The following ADAMTS16 variants were observed in gnomAD, a reference collection of about 807,000 sequenced individuals.
ADAMTS16 encodes ADAM metallopeptidase with thrombospondin type 1 motif 16, also known as A disintegrin and metalloproteinase with thrombospondin motifs 16.
In ADAMTS16, 94 loss-of-function variants were observed where a neutral mutation model predicts 145.8. The observed-to-expected ratio is 0.64, with a 90% confidence interval of 0.55 to 0.77. ADAMTS16 has a LOEUF of 0.77. Ranked by LOEUF, ADAMTS16 falls within the 30% of genes least tolerant of loss-of-function variation. The pLI, the probability that ADAMTS16 is intolerant of heterozygous loss-of-function variation, is 0.00. For synonymous variants in ADAMTS16, 659 were observed against 604.3 expected (o/e 1.09, Z -1.33); for missense variants, 1,585 against 1,591.5 (o/e 1.00, Z 0.07).
intron 18 of ADAMTS16, among the ~76,000 whole-genome samples, chr5:5,287,052 A>G (rs1186611498): frequency 6.6e-6 from 1 of 152,178 alleles, no homozygotes; most frequent in Non-Finnish European, 1.5e-5. Context: ...AACAGGAGCC[A>G]GGAGGTTACA....
rs1553990229 is a variant in ADAMTS16, at chr5:5,200,119, C to CTT, written c.1314-12_1314-11insTT. 1 of 1,594,582 alleles carries CTT rather than the reference C, an allele frequency of 6.3e-7. No individual in the cohort carries two copies. The highest frequency in any genetic ancestry group is 2.3e-5 in the East Asian group (1 of 44,160). On this transcript the variant is annotated splice_polypyrimidine_tract_variant and intron_variant, in intron 8 of 22. Transcript: ENST00000274181. ...TTCTGAAAGAACCATCTCTCTCTCT[C>CTT]TCTCTCTCATAGCTTTGGCATGATT...
chr5:5,171,700 A>G (rs1735045738), intron 3 of ADAMTS16, among the ~76,000 whole-genome samples: 1 of 152,152 alleles, frequency 6.6e-6, no homozygotes, highest in Non-Finnish European at 1.5e-5. Flanking sequence ...TTTTGCATCA[A>G]TGTTCATCAG....
chr5:5,308,587 CAG>C (rs1190194895), intron 21 of ADAMTS16, among the ~76,000 whole-genome samples: 1 of 152,186 alleles, frequency 6.6e-6, no homozygotes, highest in African/African-American at 2.4e-5. Flanking sequence ...GAAGTATGGA[CAG>C]AAAACAGACA....
At chr5:5,275,191 C>T (rs141100120) in intron 18 of ADAMTS16, among the ~76,000 whole-genome samples, 34 of 152,268 alleles carry the variant, frequency 2.2e-4, no homozygotes, top group African/African-American at 7.5e-4. Flanking sequence ...GGCACCATTG[C>T]TCTATTCTCT....
At chr5:5,295,648 C>G (rs2126497553) in intron 18 of ADAMTS16, among the ~76,000 whole-genome samples, 1 of 152,312 alleles carries the variant, frequency 6.6e-6, no homozygotes, top group East Asian at 1.9e-4. Flanking sequence ...AGAAGAGTTT[C>G]TAACAAGGCT....
intron 7 of ADAMTS16, among the ~76,000 whole-genome samples, chr5:5,191,105 G>A (rs373860443): frequency 5.0e-4 from 76 of 152,298 alleles, no homozygotes; most frequent in Non-Finnish European, 5.7e-4. Flanking sequence ...GTGTGACTCT[G>A]CAGGGCAAGG....
chr5:5,258,851 A>C (rs566488330), intron 17 of ADAMTS16, among the ~76,000 whole-genome samples: 5 of 150,614 alleles, frequency 3.3e-5, no homozygotes, highest in East Asian at 3.9e-4. Flanking sequence ...TATATATATA[A>C]TTTTTTTTAG....
Position 5,237,111 on chromosome 5 carries a change from C to A in ADAMTS16, c.2154+12C>A, listed in dbSNP as rs921498324. The A allele has an allele frequency of 1.3e-5, 21 of 1,611,620 alleles. No homozygotes were observed. Among genetic ancestry groups the A allele is most frequent in the Non-Finnish European group, 1.8e-5 (21 of 1,179,030 alleles). On this transcript the variant is annotated intron_variant, in intron 14 of 22. Transcript: ENST00000274181. The stretch of plus-strand genomic sequence containing the variant: ...ATGGGATATGTGAGGTAATCATGAT[C>A]CTTCATTCATTCAACAAATGATTCC...
intron 17 of ADAMTS16, 102 bp from the exon 18 acceptor site, chr5:5,262,555 A>G: frequency 2.0e-6 from 3 of 1,488,572 alleles, no homozygotes; most frequent in South Asian, 2.8e-5. Flanking sequence ...ACATGCCAGT[A>G]TGGCTAAGAT....
At chr5:5,268,498 C>A (rs190120297) in intron 18 of ADAMTS16, among the ~76,000 whole-genome samples, 2 of 152,190 alleles carry the variant, frequency 1.3e-5, no homozygotes, top group East Asian at 3.9e-4. Context: ...ATCCTTCCAA[C>A]GCACCTACCT....
intron 18 of ADAMTS16, among the ~76,000 whole-genome samples, chr5:5,268,353 G>A (rs934659103): frequency 6.6e-6 from 1 of 152,214 alleles, no homozygotes; most frequent in African/African-American, 2.4e-5. Flanking sequence ...CAAGATAGGA[G>A]CATTTGCGGT....
chr5:5,215,870 G>GTGTGTATATA (rs1260354840), intron 10 of ADAMTS16, among the ~76,000 whole-genome samples: 4 of 101,622 alleles, frequency 3.9e-5, no homozygotes, highest in African/African-American at 1.5e-4. Context: ...GTGTGTATGT[G>GTGTGTATATA]TATATATATA....
At chr5:5,273,491 G>A (rs1037352665) in intron 18 of ADAMTS16, among the ~76,000 whole-genome samples, 1 of 152,220 alleles carries the variant, frequency 6.6e-6, no homozygotes, top group African/African-American at 2.4e-5. Context: ...ACTCCAGCCT[G>A]GGCCACAGAG....
In ADAMTS16 at chr5:5,268,763, C is replaced by T. The variant is rs369836220; in HGVS notation, c.2789+5980C>T. Among the ~76,000 whole-genome samples, 632 of 152,330 alleles carry T rather than the reference C, an allele frequency of 4.1e-3. 9 individuals carry two copies. Among genetic ancestry groups the T allele is most frequent in the African/African-American group, 0.014 (586 of 41,568 alleles). ...CCCTCCATGCTAAGCCCTCAAGAGGCAGCTGCTCCTTCCTCTTTCTCTGCC... is the reference window on the plus strand; with the variant it reads ...CCCTCCATGCTAAGCCCTCAAGAGGTAGCTGCTCCTTCCTCTTTCTCTGCC... On this transcript the variant is annotated intron_variant, in intron 18 of 22. Transcript: ENST00000274181.
At chr5:5,151,254 A>ATTTG (rs1262524028) in intron 3 of ADAMTS16, among the ~76,000 whole-genome samples, 5 of 144,904 alleles carry the variant, frequency 3.5e-5, no homozygotes, top group Admixed American at 2.1e-4. Flanking sequence ...TTATTTATTT[A>ATTTG]TTGAGCTGGA....
intron 3 of ADAMTS16, among the ~76,000 whole-genome samples, chr5:5,154,674 G>A (rs562700173): frequency 6.6e-6 from 1 of 152,158 alleles, no homozygotes; most frequent in African/African-American, 2.4e-5. Context: ...ACAGGTCTAG[G>A]GTGCGTGTCT....
intron 20 of ADAMTS16, among the ~76,000 whole-genome samples, chr5:5,305,233 C>G (rs1740046524): frequency 9.1e-6 from 1 of 110,252 alleles, no homozygotes; most frequent in Non-Finnish European, 1.8e-5. Flanking sequence ...CATCCCACAC[C>G]ACACACACAC....
chr5:5,147,725 A>G (rs1373579368), intron 3 of ADAMTS16, among the ~76,000 whole-genome samples: 1 of 152,236 alleles, frequency 6.6e-6, no homozygotes, highest in Non-Finnish European at 1.5e-5. Flanking sequence ...AGAACTCTTC[A>G]TGAAATGCAC....
At chr5:5,154,130 A>T (rs901756528) in intron 3 of ADAMTS16, among the ~76,000 whole-genome samples, 2 of 152,250 alleles carry the variant, frequency 1.3e-5, no homozygotes, top group African/African-American at 2.4e-5. Context: ...CAGTATAATA[A>T]AATAGGAATA....
Sources: gnomAD v4.1 joint callset for allele counts (sites outside exome capture counted in the v4.1 genomes callset) on GRCh38, gnomAD v4.1.1 for gene constraint, MANE v1.5 for transcripts, NCBI Gene and HGNC (gene_info 2026-07-23, HGNC 2026-07-21) for gene names.